ZSWIM6: variants seen among roughly 807,000 people sequenced by gnomAD.
ZSWIM6 encodes the protein zinc finger SWIM-type containing 6, also known as zinc finger SWIM domain-containing protein 6.
In ZSWIM6, 9 loss-of-function variants were observed where a neutral mutation model predicts 113.2. The observed-to-expected ratio is 0.08, with a 90% CI of 0.05 to 0.14. The LOEUF is 0.14. Ranked by LOEUF, ZSWIM6 falls within the 10% of genes least tolerant of loss-of-function variation. The pLI is 1.00. For missense variants in ZSWIM6, 1,162 were observed against 1,552.2 expected, an observed-to-expected ratio of 0.75 and a Z score of 4.22; for synonymous variants, 611 against 606.5, an observed-to-expected ratio of 1.01 and a Z score of -0.11.
chr5:61,352,432 A>G (rs191825871), intron 1 of ZSWIM6, among the ~76,000 whole-genome samples: 3 of 152,364 alleles, frequency 2.0e-5, no homozygotes, highest in Admixed American at 2.0e-4. Flanking sequence ...AGTTTGTTGA[A>G]TAAATGGATG....
At chr5:61,490,104 T>A (rs1413702408) in intron 2 of ZSWIM6, among the ~76,000 whole-genome samples, 1 of 152,086 alleles carries the variant, frequency 6.6e-6, no homozygotes, top group East Asian at 1.9e-4. Context: ...TTTACCTCCC[T>A]AAATATCTGG....
chr5:61,487,327 A>G (rs1313253014), intron 2 of ZSWIM6, among the ~76,000 whole-genome samples: 1 of 152,112 alleles, frequency 6.6e-6, no homozygotes, highest in Non-Finnish European at 1.5e-5. Context: ...AGGTAATATG[A>G]TGCTTCCAGC....
At chr5:61,339,442 C>G (rs925253624) in intron 1 of ZSWIM6, among the ~76,000 whole-genome samples, 35 of 152,108 alleles carry the variant, frequency 2.3e-4, no homozygotes, top group African/African-American at 8.2e-4. Context: ...TGGATCTGTA[C>G]TATTTCCACA....
intron 1 of ZSWIM6, among the ~76,000 whole-genome samples, chr5:61,431,534 A>G (rs548329811): frequency 2.0e-5 from 3 of 152,014 alleles, no homozygotes; most frequent in Middle Eastern, 3.2e-3. Flanking sequence ...TCACAAGGTC[A>G]GGAGATAGAG....
At chr5:61,446,172 G>A (rs993724485) in intron 1 of ZSWIM6, among the ~76,000 whole-genome samples, 15 of 152,236 alleles carry the variant, frequency 9.9e-5, no homozygotes, top group Non-Finnish European at 1.8e-4. Context: ...GACTACAGAC[G>A]CTCCACCACT....
At chr5:61,470,307 C>A (rs1747536262) in intron 1 of ZSWIM6, among the ~76,000 whole-genome samples, 1 of 152,192 alleles carries the variant, frequency 6.6e-6, no homozygotes. Flanking sequence ...TTTCCCCGTG[C>A]AAGTACATAT....
At chr5:61,343,440 CA>C (rs1432453258) in intron 1 of ZSWIM6, among the ~76,000 whole-genome samples, 1 of 152,212 alleles carries the variant, frequency 6.6e-6, no homozygotes, top group African/African-American at 2.4e-5. Flanking sequence ...AATAAGTCCA[CA>C]AAAGCAAGTT....
At chr5:61,470,425 G>T (rs1464349511) in intron 1 of ZSWIM6, among the ~76,000 whole-genome samples, 3 of 152,152 alleles carry the variant, frequency 2.0e-5, no homozygotes, top group African/African-American at 7.2e-5. Context: ...GTCTTGATCT[G>T]TGCTGTCCCA....
chr5:61,413,336 T>C (rs1746183790), intron 1 of ZSWIM6, among the ~76,000 whole-genome samples: 1 of 152,036 alleles, frequency 6.6e-6, no homozygotes, highest in Non-Finnish European at 1.5e-5. Context: ...TCCATGTCCC[T>C]ATAAAGGACA....
chr5:61,528,484 C>T (rs1389210904), intron 7 of ZSWIM6, among the ~76,000 whole-genome samples: 1 of 151,718 alleles, frequency 6.6e-6, no homozygotes, highest in Non-Finnish European at 1.5e-5. Flanking sequence ...TTTTTTCCTA[C>T]TAATTATGTT....
chr5:61,353,079 T>C (rs1181291055), intron 1 of ZSWIM6, among the ~76,000 whole-genome samples: 1 of 152,140 alleles, frequency 6.6e-6, no homozygotes, highest in African/African-American at 2.4e-5. Flanking sequence ...AGTTTGTTTT[T>C]AATCTTTGCT....
intron 1 of ZSWIM6, among the ~76,000 whole-genome samples, chr5:61,471,265 C>T (rs192241499): frequency 1.8e-4 from 27 of 152,310 alleles, no homozygotes; most frequent in Admixed American, 2.0e-4. Flanking sequence ...TTCTTACTCC[C>T]TTCAGGCTTA....
At chr5:61,402,002 C>CT (rs34218573) in intron 1 of ZSWIM6, among the ~76,000 whole-genome samples, 4 of 151,120 alleles carry the variant, frequency 2.6e-5, no homozygotes, top group South Asian at 4.2e-4. Context: ...TACCTGTTCT[C>CT]TTTTTTTTTC....
At chr5:61,419,039 C>T (rs1432494178) in intron 1 of ZSWIM6, among the ~76,000 whole-genome samples, 1 of 152,222 alleles carries the variant, frequency 6.6e-6, no homozygotes, top group Non-Finnish European at 1.5e-5. Context: ...CCAGGCTGGT[C>T]TTGAACTCCT....
chr5:61,376,934 G>A (rs891781472), intron 1 of ZSWIM6, among the ~76,000 whole-genome samples: 1 of 151,542 alleles, frequency 6.6e-6, no homozygotes, highest in Non-Finnish European at 1.5e-5. Context: ...AAAAAAAAAG[G>A]CTTCATATTG....
intron 1 of ZSWIM6, among the ~76,000 whole-genome samples, chr5:61,435,290 G>A (rs1746682027): frequency 1.3e-5 from 2 of 152,096 alleles, no homozygotes; most frequent in African/African-American, 2.4e-5. Flanking sequence ...TTAGCCAAAT[G>A]GATTGATTTA....
At chr5:61,391,049 A>G (rs905864705) in intron 1 of ZSWIM6, 5 of 742,022 alleles carry the variant, frequency 6.7e-6, no homozygotes, top group African/African-American at 5.1e-5. Flanking sequence ...GTGCTGTGAC[A>G]GTAACCTTTC....
At chr5:61,488,539 A>G (rs917817189) in intron 2 of ZSWIM6, among the ~76,000 whole-genome samples, 1 of 151,932 alleles carries the variant, frequency 6.6e-6, no homozygotes, top group African/African-American at 2.4e-5. Flanking sequence ...GTTGCCACTC[A>G]TTACTGGTCT....
intron 1 of ZSWIM6, among the ~76,000 whole-genome samples, chr5:61,370,655 G>A (rs927526034): frequency 2.6e-5 from 4 of 152,196 alleles, no homozygotes; most frequent in Non-Finnish European, 5.9e-5. Context: ...CACTCTGCCC[G>A]TATTTTCTTT....
Sources: allele counts gnomAD v4.1 joint callset (sites outside exome capture counted in the v4.1 genomes callset), GRCh38; gene constraint gnomAD v4.1.1; transcripts MANE v1.5; gene names NCBI Gene and HGNC (gene_info 2026-07-23, HGNC 2026-07-21).